The following ACY1 variants were observed in gnomAD, a reference collection of about 807,000 sequenced individuals.
ACY1 encodes aminoacylase 1, also known as aminoacylase-1.
ACY1 carries 38 observed loss-of-function variants against 53.3 expected under a neutral mutation model. The ratio of observed to expected loss-of-function variants is 0.71; its 90% CI spans 0.55 to 0.93. ACY1 has a LOEUF of 0.93. Ranked by LOEUF, ACY1 falls within the 40% of genes least tolerant of loss-of-function variation. The pLI, the probability that ACY1 is intolerant of heterozygous loss-of-function variation, is 0.00. For synonymous variants in ACY1, 177 were observed against 202.1 expected, an observed-to-expected ratio of 0.88 and a Z score of 1.05; for missense variants, 484 against 540.9, an observed-to-expected ratio of 0.89 and a Z score of 1.04.
intron 10 of ACY1, 47 bp from the exon 11 acceptor site, chr3:51,987,262 C>T: frequency 6.2e-7 from 1 of 1,614,048 alleles, no homozygotes; most frequent in East Asian, 2.2e-5. Flanking sequence ...AGAGTCTGAG[C>T]CACCTCTTTT....
intron 4 of ACY1, 100 bp from the exon 5 acceptor site, chr3:51,985,752 C>G (rs111926381): frequency 2.8e-6 from 3 of 1,065,788 alleles, no homozygotes; most frequent in African/African-American, 3.1e-5. Flanking sequence ...ACCTGTCACT[C>G]CAACCCTATG....
chr3:51,986,781 C>A, intron 8 of ACY1, 120 bp downstream of exon 8: 1 of 1,367,388 alleles, frequency 7.3e-7, no homozygotes. Flanking sequence ...GAACCCAGGG[C>A]CTCTACCTCC....
chr3:51,984,754 G>A, intron 2 of ACY1: 3 of 258,338 alleles, frequency 1.2e-5, no homozygotes, highest in Non-Finnish European at 2.3e-5. Context: ...GGTTGAGGCT[G>A]CAGTGAGCCG....
intron 2 of ACY1, chr3:51,984,977 C>A: frequency 1.7e-6 from 1 of 597,242 alleles, no homozygotes; most frequent in Admixed American, 2.8e-5. Flanking sequence ...GAAGATAACA[C>A]CTTCCTCCAA....
intron 2 of ACY1, 153 bp from the exon 3 acceptor site, chr3:51,985,054 C>A: frequency 1.2e-6 from 1 of 805,968 alleles, no homozygotes; most frequent in Non-Finnish European, 2.1e-6. Flanking sequence ...TATCTTCTTT[C>A]TTGGGGATGG....
At position 51,989,132 on chromosome 3, in the gene ACY1, ACCT is replaced by A; in HGVS notation, c.*62_*64del. ...GCTTCCATCCCAACCAGTGCCAAGG[ACCT>A]CCTCTTCCCCCTTCCAAATAATAAA... On this transcript the variant is annotated 3_prime_UTR_variant, in exon 15 of 15. Transcript: ENST00000636358. The A allele has an allele frequency of 6.2e-7, 1 of 1,600,072 alleles. No homozygotes were observed. The highest frequency in any genetic ancestry group is 8.5e-7 in the Non-Finnish European group (1 of 1,174,534).
chr3:51,988,466 A>T, intron 12 of ACY1, 58 bp from the exon 13 acceptor site: 1 of 1,530,344 alleles, frequency 6.5e-7, no homozygotes, highest in Non-Finnish European at 9.1e-7. Flanking sequence ...ACTCTATGGG[A>T]AATAGGGCAA....
chr3:51,985,393 C>T lies in ACY1; in HGVS notation c.192C>T (p.Thr64=), dbSNP rs1258348095. 1 of 1,614,148 alleles carries T rather than the reference C, an allele frequency of 6.2e-7. No individual in the cohort carries two copies. The highest frequency in any genetic ancestry group is 1.7e-5 in the Admixed American group (1 of 60,020). Residue 64 remains threonine, a synonymous_variant, in exon 4 of 15, where the codon ACC becomes ACT. Coordinates refer to ENST00000636358, the MANE Select transcript of ACY1 (RefSeq NM_000666.3). ...VAPGYVVTVL[T]WPGTNPTLSS... The stretch of plus-strand genomic sequence containing the variant: ...CTGGCTATGTGGTGACCGTGTTGAC[C>T]TGGCCAGGCACCAACCCTACACTCT...
chr3:51,985,180 C>T (rs1255314719), intron 2 of ACY1, 27 bp from the exon 3 acceptor site: 1 of 1,584,132 alleles, frequency 6.3e-7, no homozygotes, highest in East Asian at 2.3e-5. Context: ...TAGGCAGAAG[C>T]AGCCCCAAGA....
intron 5 of ACY1, 107 bp from the exon 6 acceptor site, chr3:51,986,148 G>A (rs1559779784): frequency 1.6e-6 from 2 of 1,219,770 alleles, no homozygotes; most frequent in East Asian, 2.5e-5. Flanking sequence ...CTATCAGGGT[G>A]TGGCAGGGTA....
chr3:51,986,935 G>T, intron 8 of ACY1, 53 bp from the exon 9 acceptor site: 3 of 1,585,526 alleles, frequency 1.9e-6, no homozygotes, highest in Non-Finnish European at 2.6e-6. Context: ...CAGGCTGATT[G>T]TGTCTCCAGC....
rs942390087 is a variant in ACY1 at position 51,986,473 on chromosome 3, C to T, written c.495C>T (p.His165=). ...TGTTCGTGCAGCGGCCTGAGTTCCA[C>T]GCCCTGAGGGCAGGCTTTGCCCTGG... The part of the protein sequence containing the change: ...MELFVQRPEF[H]ALRAGFALDE... Residue 165 remains histidine (H), a synonymous_variant, in exon 7 of 15, where the codon CAC becomes CAT. Transcript: ENST00000636358. 20 of 1,613,806 alleles carry T rather than the reference C, an allele frequency of 1.2e-5. No individual in the cohort carries two copies. Among genetic ancestry groups the T allele is most frequent in the South Asian group, 5.5e-5 (5 of 91,084 alleles).
rs764054877 is a variant in ACY1 at position 51,987,134 on chromosome 3, C to G, written c.658-13C>G. ...CTGAGGCCACTGTCCCATTTAACCT[C>G]ATATTCTCATAGCACAAGGTTGTAA... On this transcript the variant is annotated splice_polypyrimidine_tract_variant and intron_variant, in intron 9 of 14. Transcript: ENST00000636358. 9.9e-6 allele frequency: 16 copies of G among 1,614,078 alleles called. No homozygotes were observed. Among genetic ancestry groups the G allele is most frequent in the Non-Finnish European group, 1.3e-5 (15 of 1,180,028 alleles).
In ACY1 at chr3:51,984,121, C is replaced by T; in HGVS notation, c.57C>T (p.Tyr19=). 1 of 1,613,994 alleles carries T rather than the reference C, an allele frequency of 6.2e-7. No individual in the cohort carries two copies. Residue 19 remains tyrosine, a synonymous_variant, in exon 2 of 15, where the codon TAC becomes TAT. Transcript: ENST00000636358. Reference sequence around the variant, plus strand: ...CATCGGTGACGCTCTTCCGCCAGTACCTGCGTATCCGCACTGTCCAGCCCA... The same window carrying T: ...CATCGGTGACGCTCTTCCGCCAGTATCTGCGTATCCGCACTGTCCAGCCCA... The part of the protein sequence containing the change: ...EHPSVTLFRQ[Y]LRIRTVQPKP...
intron 9 of ACY1, 27 bp downstream of exon 9, chr3:51,987,088 G>T (rs1427286822): frequency 6.2e-7 from 1 of 1,614,100 alleles, no homozygotes; most frequent in South Asian, 1.1e-5. Context: ...GAGGGAGTCT[G>T]GGAGTTCAGG....
chr3:51,985,057 G>A (rs1701007695), intron 2 of ACY1, 150 bp from the exon 3 acceptor site: 3 of 810,728 alleles, frequency 3.7e-6, no homozygotes, highest in East Asian at 2.7e-5. Context: ...CTTCTTTCTT[G>A]GGGATGGAAA....
Position 51,987,338 on chromosome 3 carries a change from G to C in ACY1, c.737G>C (p.Gly246Ala). ...RLQSNPHLKE[G>A]SVTSVNLTKL... ...CAGTCAAACCCCCACCTGAAAGAGG[G>C]GTCCGTGACCTCCGTGAACCTGACT... Residue 246 changes from glycine (G) to alanine (A), a missense_variant, in exon 11 of 15, where the codon GGG (glycine) becomes GCG (alanine). By Grantham distance (60) the Gly-to-Ala change is moderately conservative. Coordinates refer to ENST00000636358, the MANE Select transcript of ACY1 (RefSeq NM_000666.3). The C allele has an allele frequency of 6.2e-7, 1 of 1,614,072 alleles. No individual in the cohort carries two copies. The highest frequency in any genetic ancestry group is 8.5e-7 in the Non-Finnish European group (1 of 1,180,014).
At chr3:51,987,907 C>T (rs905842283) in intron 12 of ACY1, 15 of 403,878 alleles carry the variant, frequency 3.7e-5, no homozygotes, top group African/African-American at 2.2e-4. Context: ...AATCTCACTC[C>T]GTCACCCAGG....
rs778579986 is a variant in ACY1 at position 51,987,580 on chromosome 3, T to C, written c.877T>C (p.Trp293Arg). The C allele has an allele frequency of 4.3e-6, 7 of 1,614,002 alleles. No individual in the cohort carries two copies. In the East Asian group the frequency reaches 1.1e-4, roughly 26 times the overall value. Residue 293 changes from tryptophan to arginine, a missense_variant, in exon 12 of 15, where the codon TGG becomes CGG. Transcript: ENST00000636358. ...GGCTTTTGAGGAGCAGCTGCAGAGCTGGTGCCAGGCAGCTGGCGAGGGGGT... is the reference window on the plus strand; with the variant it reads ...GGCTTTTGAGGAGCAGCTGCAGAGCCGGTGCCAGGCAGCTGGCGAGGGGGT... ...FKAFEEQLQS[W>R]CQAAGEGVTL...
Sources: gnomAD v4.1 joint callset for allele counts on GRCh38, gnomAD v4.1.1 for gene constraint, MANE v1.5 for transcripts, NCBI Gene and HGNC (gene_info 2026-07-23, HGNC 2026-07-21) for gene names.